SOX6: variants seen among roughly 807,000 people sequenced by gnomAD.
SOX6 encodes the protein SRY-box transcription factor 6.
Under a neutral mutation model 97.8 loss-of-function variants are expected in SOX6, and 11 were observed. The ratio of observed to expected loss-of-function variants is 0.11; its 90% confidence interval spans 0.07 to 0.19. SOX6 has a LOEUF of 0.19. SOX6 is among the 10% of genes least tolerant of loss of function. The pLI, the probability that SOX6 is intolerant of heterozygous loss-of-function variation, is 1.00. For synonymous variants in SOX6, 360 were observed against 371.4 expected (o/e 0.97, Z 0.35); for missense variants, 810 against 1,039.5 (o/e 0.78, Z 3.04).
rs191181800 is a variant in SOX6 at position 16,691,944 on chromosome 11, A to T, written n.429+22886T>A. On this transcript the variant is annotated intron_variant and non_coding_transcript_variant, in intron 3 of 5. Transcript: ENST00000524520. ...ATTGGCTGGCTCTGAAGTCCTAAAAAATATTTCTCCACTTACCTCCCTGTT... is the reference window on the plus strand; with the variant it reads ...ATTGGCTGGCTCTGAAGTCCTAAAATATATTTCTCCACTTACCTCCCTGTT... Among the ~76,000 whole-genome samples the T allele has an allele frequency of 2.3e-3, 354 of 152,280 alleles. 1 individual carries two copies. Among genetic ancestry groups the T allele is most frequent in the Non-Finnish European group, 3.7e-3 (250 of 68,022 alleles).
intron 3 of SOX6, among the ~76,000 whole-genome samples, chr11:16,267,191 G>T (rs950853708): frequency 1.1e-5 from 1 of 93,972 alleles, no homozygotes; most frequent in Non-Finnish European, 2.3e-5. Context: ...TAGACAAATG[G>T]GATTACGTTA....
chr11:16,183,965 TAA>T lies in SOX6; in HGVS notation c.709-13_709-12del, dbSNP rs1161798479. ...CTGTTGTCTCGCAATCTATCAGAAA[TAA>T]AGTTTCATTAAGTTAAAATGAAATG... is the stretch of plus-strand genomic sequence containing the variant. On this transcript the variant is annotated splice_polypyrimidine_tract_variant and intron_variant, in intron 5 of 15. Coordinates refer to ENST00000683767, the MANE Select transcript of SOX6 (RefSeq NM_001367873.1). 1 of 1,611,140 alleles carries T rather than the reference TAA, an allele frequency of 6.2e-7. No homozygotes were observed. The highest frequency in any genetic ancestry group is 8.5e-7 in the Non-Finnish European group (1 of 1,177,982).
intron 12 of SOX6, among the ~76,000 whole-genome samples, chr11:16,021,350 G>T (rs571423362): frequency 2.0e-5 from 3 of 152,228 alleles, no homozygotes; most frequent in African/African-American, 7.2e-5. Flanking sequence ...GCCATGCTGT[G>T]ATTCTCCAGA....
intron 9 of SOX6, among the ~76,000 whole-genome samples, chr11:16,067,376 T>C (rs1303982645): frequency 6.6e-6 from 1 of 152,132 alleles, no homozygotes; most frequent in Non-Finnish European, 1.5e-5. Flanking sequence ...GTTTTTCCCG[T>C]GCTGTTCTCA....
rs140397972 is a variant in SOX6 at position 16,139,413 on chromosome 11, C to T, written c.778-27490G>A. Among the ~76,000 whole-genome samples the T allele has an allele frequency of 9.7e-4, 147 of 152,158 alleles. 1 individual carries two copies. The East Asian group carries it at 0.025, about 26-fold the overall frequency. On this transcript the variant is annotated intron_variant, in intron 6 of 15. Transcript: ENST00000683767. The stretch of plus-strand genomic sequence containing the variant: ...ACATTAAGGAAGAGCTTTCTCTTCT[C>T]TTTTATTTTTTCATTTATTCATAAA...
intron 4 of SOX6, among the ~76,000 whole-genome samples, chr11:16,549,153 A>T (rs895866332): frequency 1.3e-5 from 2 of 152,154 alleles, no homozygotes; most frequent in African/African-American, 4.8e-5. Flanking sequence ...TACTAATAGA[A>T]GTCTACCAGA....
At chr11:16,351,198 C>T (rs1856938394) in intron 1 of SOX6, among the ~76,000 whole-genome samples, 1 of 151,762 alleles carries the variant, frequency 6.6e-6, no homozygotes, top group Admixed American at 6.6e-5. Context: ...TTCCTCAATA[C>T]CTCCCCTCAT....
intron 3 of SOX6, among the ~76,000 whole-genome samples, chr11:16,618,756 A>G (rs1227151840): frequency 2.6e-5 from 4 of 152,034 alleles, no homozygotes; most frequent in Non-Finnish European, 4.4e-5. Flanking sequence ...TAGTGAAAGA[A>G]AACACTTTGT....
intron 3 of SOX6, among the ~76,000 whole-genome samples, chr11:16,254,908 T>G (rs1170721831): frequency 6.6e-6 from 1 of 151,948 alleles, no homozygotes; most frequent in Admixed American, 6.6e-5. Context: ...AAGATAAATA[T>G]AGATTAAAAT....
intron 4 of SOX6, among the ~76,000 whole-genome samples, chr11:16,584,356 A>G (rs552805956): frequency 1.3e-5 from 2 of 152,310 alleles, no homozygotes; most frequent in Non-Finnish European, 2.9e-5. Context: ...CCCAAGCTCT[A>G]ATAGATCCAT....
intron 3 of SOX6, among the ~76,000 whole-genome samples, chr11:16,665,139 T>C (rs2134021138): frequency 6.6e-6 from 1 of 151,532 alleles, no homozygotes; most frequent in African/African-American, 2.4e-5. Context: ...GTGGTGAATA[T>C]GGGGAGAGAC....
At chr11:15,980,323 T>G (rs961373820) in intron 15 of SOX6, among the ~76,000 whole-genome samples, 4 of 152,018 alleles carry the variant, frequency 2.6e-5, no homozygotes, top group African/African-American at 9.7e-5. Context: ...AGCAGTGAGC[T>G]CTCTACCCTT....
intron 4 of SOX6, among the ~76,000 whole-genome samples, chr11:16,553,508 G>T (rs1490994404): frequency 6.6e-6 from 1 of 152,058 alleles, no homozygotes; most frequent in East Asian, 1.9e-4. Flanking sequence ...GGGGCTGGTG[G>T]AAGTGTCTTA....
At chr11:16,524,921 C>T (rs1861131746) in intron 4 of SOX6, among the ~76,000 whole-genome samples, 1 of 152,134 alleles carries the variant, frequency 6.6e-6, no homozygotes, top group South Asian at 2.1e-4. Context: ...ATCCAACTTA[C>T]AAGGGACGTG....
intron 4 of SOX6, among the ~76,000 whole-genome samples, chr11:16,602,066 T>C (rs1848276917): frequency 6.6e-6 from 1 of 152,246 alleles, no homozygotes; most frequent in African/African-American, 2.4e-5. Context: ...TACTTGATAC[T>C]ATTATATCAT....
chr11:16,253,705 T>C (rs1038207519), intron 3 of SOX6, among the ~76,000 whole-genome samples: 2 of 151,688 alleles, frequency 1.3e-5, no homozygotes, highest in Admixed American at 1.3e-4. Context: ...AAACCCAGAA[T>C]ATCCAATAAC....
intron 7 of SOX6, among the ~76,000 whole-genome samples, chr11:16,104,596 TAC>T (rs528458310): frequency 2.3e-4 from 35 of 150,388 alleles, no homozygotes; most frequent in Admixed American, 6.0e-4. Context: ...ATTACACACA[TAC>T]ACACACACAC....
At chr11:16,735,175 A>T (rs1046726940) in intron 2 of SOX6, among the ~76,000 whole-genome samples, 3 of 152,158 alleles carry the variant, frequency 2.0e-5, no homozygotes, top group Non-Finnish European at 4.4e-5. Context: ...GGAAGAGATT[A>T]TCTTAATCTG....
intron 4 of SOX6, among the ~76,000 whole-genome samples, chr11:16,594,684 C>CTTGTTTTTTTTTTTTTTTT (rs1848191171): frequency 1.5e-5 from 1 of 68,266 alleles, no homozygotes; most frequent in Non-Finnish European, 2.4e-5. Flanking sequence ...TCGGTTTTTG[C>CTTGTTTTTTTTTTTTTTTT]TTTTTTTTTT....
Sources: gnomAD v4.1 joint callset for allele counts (sites outside exome capture counted in the v4.1 genomes callset) on GRCh38, gnomAD v4.1.1 for gene constraint, MANE v1.5 for transcripts, NCBI Gene and HGNC (gene_info 2026-07-23, HGNC 2026-07-21) for gene names.